ESPNL: variants seen among roughly 807,000 people sequenced by gnomAD.
ESPNL encodes the protein espin like.
Under a neutral mutation model 46.8 loss-of-function variants are expected in ESPNL, and 49 were observed. That is an observed-to-expected ratio of 1.05 (90% CI 0.83 to 1.33). ESPNL has a LOEUF of 1.33. Among genes scored for constraint, ESPNL ranks in the 40% most tolerant of loss-of-function variants. The pLI, the probability that ESPNL is intolerant of heterozygous loss-of-function variation, is 0.00. For missense variants in ESPNL, 1,540 were observed against 1,436.6 expected (o/e 1.07, Z -1.16); for synonymous variants, 664 against 662.1 (o/e 1.00, Z -0.04).
chr2:238,130,092 G>C lies in ESPNL; in HGVS notation c.1414-36G>C, dbSNP rs73999821. 3.1e-3 allele frequency: 4,853 copies of C among 1,582,718 alleles called. 112 individuals carry two copies. The African/African-American group carries it at 0.058, about 19-fold the overall frequency. ...TAGGTGGGCTGATGGTGGGTGGGTG[G>C]GCTCACCCTGCTCACCCTGCCCTTC... is the stretch of plus-strand genomic sequence containing the variant. On this transcript the variant is annotated intron_variant, in intron 8 of 8. Coordinates refer to ENST00000343063, the MANE Select transcript of ESPNL (RefSeq NM_194312.4).
In ESPNL at chr2:238,114,192, G is replaced by A. The variant is rs548694205; in HGVS notation, c.856-2711G>A. Among the ~76,000 whole-genome samples, 35 of 152,208 alleles carry A rather than the reference G, an allele frequency of 2.3e-4. No homozygotes were observed. Among genetic ancestry groups the A allele is most frequent in the Non-Finnish European group, 1.5e-5 (1 of 67,996 alleles). On this transcript the variant is annotated intron_variant, in intron 4 of 8. Coordinates refer to ENST00000343063, the MANE Select transcript of ESPNL (RefSeq NM_194312.4). This position sits in a 1 kb window ranked among gnomAD's most constrained non-coding sequence, Gnocchi z 5.0. ...CCACCCTCTGCTGACAATCCCAGCGGTGATGGGGTCCGTCACTCTGGGGGA... is the reference window on the plus strand; with the variant it reads ...CCACCCTCTGCTGACAATCCCAGCGATGATGGGGTCCGTCACTCTGGGGGA...
chr2:238,121,818 C>T (rs1235473445), intron 5 of ESPNL, among the ~76,000 whole-genome samples: 2 of 152,232 alleles, frequency 1.3e-5, no homozygotes, highest in African/African-American at 4.8e-5. Flanking sequence ...ACTAAGACAT[C>T]TTTATTTTAT....
At position 238,130,634 on chromosome 2, in the gene ESPNL, G is replaced by C. The variant is rs1455829355; in HGVS notation, c.1920G>C (p.Glu640Asp). 1 of 1,561,930 alleles carries C rather than the reference G, an allele frequency of 6.4e-7. No homozygotes were observed. The highest frequency in any genetic ancestry group is 8.7e-7 in the Non-Finnish European group (1 of 1,153,262). Residue 640 changes from glutamate to aspartate, a missense_variant, in exon 9 of 9, where the codon GAG (glutamate) becomes GAC (aspartate). By Grantham distance (45) the Glu-to-Asp change is conservative. Transcript: ENST00000343063. ...CCTCGGCCAGCCCCCCTCGGAGCGA[G>C]GCCCAGCGCCAGATCCAGGAGTGGG... is the stretch of plus-strand genomic sequence containing the variant. ...REASASPPRS[E>D]AQRQIQEWGV...
intron 1 of ESPNL, among the ~76,000 whole-genome samples, chr2:238,101,184 GT>G (rs1305845916): frequency 1.3e-5 from 2 of 152,200 alleles, no homozygotes; most frequent in Non-Finnish European, 2.9e-5. Flanking sequence ...TGCCTGCCCA[GT>G]CCCCTTTGTG....
intron 5 of ESPNL, among the ~76,000 whole-genome samples, chr2:238,124,000 G>A (rs897585876): frequency 2.0e-5 from 3 of 152,230 alleles, no homozygotes; most frequent in Admixed American, 1.3e-4. Flanking sequence ...ATTTGCTCAG[G>A]CAGGGCCAAC....
At chr2:238,122,700 G>A (rs1004880591) in intron 5 of ESPNL, among the ~76,000 whole-genome samples, 1 of 152,244 alleles carries the variant, frequency 6.6e-6, no homozygotes, top group Non-Finnish European at 1.5e-5. Context: ...CCATCTCAGG[G>A]AGGGGGCTGA....
At chr2:238,103,550 A>C (rs1222037264) in intron 2 of ESPNL, among the ~76,000 whole-genome samples, 1 of 152,218 alleles carries the variant, frequency 6.6e-6, no homozygotes, top group Non-Finnish European at 1.5e-5. Context: ...GACCAGCAGC[A>C]GCCGAGAGGT....
At chr2:238,113,503 T>C (rs1011033372) in intron 4 of ESPNL, among the ~76,000 whole-genome samples, 1 of 152,264 alleles carries the variant, frequency 6.6e-6, no homozygotes, top group Admixed American at 6.5e-5. Flanking sequence ...GGCTGGGTCT[T>C]CTGGTTCTTG....
rs1341175158 is a variant in ESPNL, at chr2:238,130,688, C to T, written c.1974C>T (p.Asn658=). The change falls in exon 9 of 9, where the codon AAC becomes AAT. Residue 658 remains asparagine, a synonymous_variant. Coordinates refer to ENST00000343063, the MANE Select transcript of ESPNL (RefSeq NM_194312.4). The part of the protein sequence containing the change: ...WGVSVRTLRG[N]FESASGPLCG... ...TGTCTGTGCGGACGCTGCGGGGCAA[C>T]TTCGAGTCGGCCTCTGGCCCACTCT... is the stretch of plus-strand genomic sequence containing the variant. 1.3e-6 allele frequency: 2 copies of T among 1,563,438 alleles called. No individual in the cohort carries two copies. The highest frequency in any genetic ancestry group is 1.7e-6 in the Non-Finnish European group (2 of 1,155,286).
At position 238,130,871 on chromosome 2, in the gene ESPNL, G is replaced by A; in HGVS notation, c.2157G>A (p.Glu719=). ...EEASDSGISC[E]EVPSEAGAAA... Reference sequence around the variant, plus strand: ...CCAGCGACTCTGGCATCAGCTGCGAGGAGGTGCCATCAGAGGCGGGTGCCG... The same window carrying A: ...CCAGCGACTCTGGCATCAGCTGCGAAGAGGTGCCATCAGAGGCGGGTGCCG... The change falls in exon 9 of 9, where the codon GAG becomes GAA. Residue 719 remains glutamate, a synonymous_variant. Transcript: ENST00000343063. The A allele has an allele frequency of 1.3e-6, 2 of 1,557,086 alleles. No individual in the cohort carries two copies. The highest frequency in any genetic ancestry group is 2.7e-5 in the African/African-American group (2 of 74,004).
chr2:238,121,684 C>T (rs1691990258), intron 5 of ESPNL, among the ~76,000 whole-genome samples: 1 of 152,276 alleles, frequency 6.6e-6, no homozygotes, highest in Admixed American at 6.5e-5. Context: ...AGGCATGATC[C>T]ACCGTACCCG....
At chr2:238,105,567 G>C (rs1340073758) in intron 3 of ESPNL, among the ~76,000 whole-genome samples, 1 of 152,002 alleles carries the variant, frequency 6.6e-6, no homozygotes, top group Non-Finnish European at 1.5e-5. Context: ...AGGGGACTTG[G>C]GGGCAGAACT....
intron 5 of ESPNL, among the ~76,000 whole-genome samples, chr2:238,119,389 C>CGAATGG (rs1559263898): frequency 2.5e-4 from 30 of 119,688 alleles, no homozygotes; most frequent in African/African-American, 8.2e-4. Flanking sequence ...GAGTTGGATG[C>CGAATGG]AGGAGGTGGA....
At chr2:238,112,019 C>CTATGAATTAGGG (rs1268827022) in intron 4 of ESPNL, among the ~76,000 whole-genome samples, 1 of 152,024 alleles carries the variant, frequency 6.6e-6, no homozygotes, top group Non-Finnish European at 1.5e-5. Context: ...TCAAAATATG[C>CTATGAATTAGGG]TATGAATTAG....
chr2:238,102,506 C>A (rs1691507569), intron 2 of ESPNL, among the ~76,000 whole-genome samples: 1 of 152,200 alleles, frequency 6.6e-6, no homozygotes, highest in Non-Finnish European at 1.5e-5. Context: ...AGGGCACCCT[C>A]CCATCACCTG....
chr2:238,107,847 G>A lies in ESPNL; in HGVS notation c.729G>A (p.Leu243=), dbSNP rs149388984. ...GGGACAATGAGGGGGCCACGGCCCT[G>A]CACTTTGCAGCCCGAGGCGGCCACA... ...TARDNEGATA[L]HFAARGGHTP... Residue 243 remains leucine, a synonymous_variant, in exon 4 of 9, where the codon CTG becomes CTA. Transcript: ENST00000343063. 4,871 of 1,609,138 alleles carry A rather than the reference G, an allele frequency of 3.0e-3. 18 individuals carry two copies. The highest frequency in any genetic ancestry group is 5.5e-3 in the South Asian group (501 of 90,280).
chr2:238,116,728 G>A (rs1386002313), intron 4 of ESPNL, among the ~76,000 whole-genome samples, 175 bp from the exon 5 acceptor site: 1 of 152,080 alleles, frequency 6.6e-6, no homozygotes, highest in Non-Finnish European at 1.5e-5. Flanking sequence ...ATGAGGCTCG[G>A]GGGCTCCTAG....
chr2:238,124,336 C>T (rs1193393664), intron 5 of ESPNL, among the ~76,000 whole-genome samples: 1 of 152,208 alleles, frequency 6.6e-6, no homozygotes, highest in Non-Finnish European at 1.5e-5. Flanking sequence ...TGGCATGCGG[C>T]CCTGCTGGCT....
intron 2 of ESPNL, 107 bp from the exon 3 acceptor site, chr2:238,104,549 T>G (rs978491927): frequency 1.2e-4 from 147 of 1,258,844 alleles, no homozygotes; most frequent in Middle Eastern, 1.1e-3. Flanking sequence ...TGTGGGAAAC[T>G]CAGTCATCAC....
Sources: allele counts gnomAD v4.1 joint callset (sites outside exome capture counted in the v4.1 genomes callset), GRCh38; gene constraint gnomAD v4.1.1; non-coding constraint Gnocchi (gnomAD v3.1); transcripts MANE v1.5; gene names NCBI Gene and HGNC (gene_info 2026-07-23, HGNC 2026-07-21).